ZNF184: variants seen among roughly 807,000 people sequenced by gnomAD.
ZNF184 encodes the protein zinc finger protein 184 (Kruppel-like).
A neutral mutation model predicts 54.4 loss-of-function variants in ZNF184; 16 were observed. The observed-to-expected ratio is 0.29, with a 90% CI of 0.20 to 0.45. The LOEUF is 0.45. ZNF184 is among the 20% of genes least tolerant of loss of function. The pLI, the probability that ZNF184 is intolerant of heterozygous loss-of-function variation, is 1.00. For missense variants in ZNF184, 681 were observed against 888.2 expected (o/e 0.77, Z 2.97); for synonymous variants, 254 against 295.3 (o/e 0.86, Z 1.43).
chr6:27,415,868 A>T, the ZNF184 span, among the ~76,000 whole-genome samples: 1 of 152,244 alleles, frequency 6.6e-6, no homozygotes, highest in East Asian at 1.9e-4. Context: ...TGGGTGGCTT[A>T]AACAACAGAA....
At position 27,452,486 on chromosome 6, in the gene ZNF184, C is replaced by T. The variant is rs753226023; in HGVS notation, c.1073G>A (p.Gly358Glu). ...HFMEHQKIHT[G>E]EKPFKCDECD... The stretch of plus-strand genomic sequence containing the variant: ...TTCATCACATTTAAAAGGTTTTTCT[C>T]CCGTATGAATTTTCTGATGTTCCAT... The change falls in exon 6 of 6, where the codon GGA becomes GAA. Residue 358 changes from glycine to glutamate, a missense_variant. By Grantham distance (98) the Gly-to-Glu change is moderately conservative (BLOSUM62 -2). Coordinates refer to ENST00000683788, the MANE Select transcript of ZNF184 (RefSeq NM_001318891.2). This position sits in a 1 kb window ranked among gnomAD's most constrained non-coding sequence, Gnocchi z 5.5. 1.9e-6 allele frequency: 3 copies of T among 1,614,070 alleles called. No homozygotes were observed. The highest frequency in any genetic ancestry group is 2.5e-6 in the Non-Finnish European group (3 of 1,180,012).
Position 27,455,434 on chromosome 6 carries a change from G to C in ZNF184, c.298+1392C>G, listed in dbSNP as rs528208267. ...ATGTACATTTTAATGGTTTAAAATGGTTTTCTATCTGGTCAAGTAAAATTT... is the reference window on the plus strand; with the variant it reads ...ATGTACATTTTAATGGTTTAAAATGCTTTTCTATCTGGTCAAGTAAAATTT... On this transcript the variant is annotated intron_variant, in intron 5 of 5. Transcript: ENST00000683788. Among the ~76,000 whole-genome samples the C allele has an allele frequency of 2.0e-3, 301 of 152,204 alleles. 1 individual carries two copies. The highest frequency in any genetic ancestry group is 6.9e-3 in the African/African-American group (286 of 41,530).
the ZNF184 span, among the ~76,000 whole-genome samples, chr6:27,443,011 G>A: frequency 1.3e-5 from 2 of 152,238 alleles, no homozygotes; most frequent in African/African-American, 2.4e-5. Context: ...CAGACTCTGT[G>A]CTCACTATTT....
the ZNF184 span, among the ~76,000 whole-genome samples, chr6:27,410,103 C>T: frequency 6.6e-5 from 10 of 152,124 alleles, no homozygotes; most frequent in African/African-American, 2.4e-4. Context: ...GTTGGCTATA[C>T]CATGTAGGTT....
At chr6:27,470,280 A>G (rs539113983) in intron 2 of ZNF184, among the ~76,000 whole-genome samples, 21 of 152,322 alleles carry the variant, frequency 1.4e-4, no homozygotes, top group African/African-American at 4.1e-4. Flanking sequence ...AAGAAAGAAA[A>G]AAAAAAACAA....
chr6:27,452,529 T>C lies in ZNF184; in HGVS notation c.1030A>G (p.Ser344Gly). 1 of 1,614,172 alleles carries C rather than the reference T, an allele frequency of 6.2e-7. No individual in the cohort carries two copies. The highest frequency in any genetic ancestry group is 8.5e-7 in the Non-Finnish European group (1 of 1,180,032). Residue 344 changes from serine (S) to glycine (G), a missense_variant, in exon 6 of 6, where the codon AGC becomes GGC. Physicochemically the swap from Ser to Gly is moderately conservative, Grantham distance 56. Transcript: ENST00000683788. This position sits in a 1 kb window ranked among gnomAD's most constrained non-coding sequence, Gnocchi z 5.5. ...TGTTCCATAAAGTGGCCTCTCTGGCTAAAGGCTTTTCCACACTCATTACAA... is the reference window on the plus strand; with the variant it reads ...TGTTCCATAAAGTGGCCTCTCTGGCCAAAGGCTTTTCCACACTCATTACAA... ...YTCNECGKAF[S>G]QRGHFMEHQK...
At chr6:27,406,554 G>C in the ZNF184 span, 1 of 152,242 alleles carries the variant, frequency 6.6e-6, no homozygotes, top group African/African-American at 2.4e-5. Context: ...AACAGAAAAT[G>C]CTTTATACTT....
downstream of ZNF184, among the ~76,000 whole-genome samples, chr6:27,446,182 G>A (rs1389460245): frequency 6.6e-6 from 1 of 152,192 alleles, no homozygotes; most frequent in East Asian, 1.9e-4. Flanking sequence ...AAGACAATGG[G>A]AGACAGACCA....
In ZNF184 at chr6:27,457,334, C is replaced by T; in HGVS notation, c.151G>A (p.Asp51Asn). 1 of 1,614,072 alleles carries T rather than the reference C, an allele frequency of 6.2e-7. No individual in the cohort carries two copies. Residue 51 changes from aspartate to asparagine, a missense_variant, in exon 4 of 6, where the codon GAT becomes AAT. Physicochemically the swap from Asp to Asn is conservative, Grantham distance 23. Transcript: ENST00000683788. ...TCCAATGTCACATCCCTGAACAAAT[C>T]TCTCTGGCCAGGGTCCAGCTGTTTC... is the stretch of plus-strand genomic sequence containing the variant. ...EWKQLDPGQR[D>N]LFRDVTLENY...
the ZNF184 span, among the ~76,000 whole-genome samples, chr6:27,444,863 C>T: frequency 6.6e-6 from 1 of 152,110 alleles, no homozygotes; most frequent in Non-Finnish European, 1.5e-5. Context: ...TCCTCATACC[C>T]CAGACTTGCA....
At chr6:27,433,920 CTTCT>C in the ZNF184 span, among the ~76,000 whole-genome samples, 68 of 88,496 alleles carry the variant, frequency 7.7e-4, 1 homozygote, top group Admixed American at 6.0e-3. Flanking sequence ...TTCTTTCTTT[CTTCT>C]TTCTTTCTTT....
At position 27,464,301 on chromosome 6, in the gene ZNF184, A is replaced by G. The variant is rs1397376067; in HGVS notation, c.75+3552T>C. On this transcript the variant is annotated intron_variant, in intron 3 of 5. Transcript: ENST00000683788. The stretch of plus-strand genomic sequence containing the variant: ...TTGGCTGCTTAAAGAAAATAACAAC[A>G]AAGTATTATGGGATTTATAACATAT... Among the ~76,000 whole-genome samples the G allele has an allele frequency of 2.0e-5, 3 of 152,252 alleles. No homozygotes were observed. The East Asian group carries it at 5.8e-4, about 29-fold the overall frequency.
At position 27,451,423 on chromosome 6, in the gene ZNF184, A is replaced by G. The variant is rs1386266054; in HGVS notation, c.2136T>C (p.Tyr712=). 2 of 1,614,154 alleles carry G rather than the reference A, an allele frequency of 1.2e-6. No individual in the cohort carries two copies. The highest frequency in any genetic ancestry group is 1.7e-6 in the Non-Finnish European group (2 of 1,179,996). Residue 712 remains tyrosine (Y), a synonymous_variant, in exon 6 of 6, where the codon TAT becomes TAC. Transcript: ENST00000683788. ...ECRKTFSQST[Y]LIQHQRIHSG... is the part of the protein sequence containing the mutation. ...AATGAATTCTCTGGTGCTGAATGAG[A>G]TATGTGCTCTGGCTAAAAGTCTTTC...
chr6:27,417,055 C>A, the ZNF184 span, among the ~76,000 whole-genome samples: 1 of 152,040 alleles, frequency 6.6e-6, no homozygotes, highest in Non-Finnish European at 1.5e-5. Context: ...TGGAACATCC[C>A]CTTGTTAGAA....
the ZNF184 span, among the ~76,000 whole-genome samples, chr6:27,444,419 G>A: frequency 1.3e-5 from 2 of 151,882 alleles, no homozygotes; most frequent in Admixed American, 1.3e-4. Context: ...TGAATTGTCA[G>A]TTTTTTTCTC....
the ZNF184 span, among the ~76,000 whole-genome samples, chr6:27,408,575 C>G: frequency 2.0e-5 from 3 of 152,172 alleles, no homozygotes; most frequent in Non-Finnish European, 4.4e-5. Flanking sequence ...GCCACAGAGT[C>G]TAAGATTCTG....
At chr6:27,424,071 A>G in the ZNF184 span, among the ~76,000 whole-genome samples, 1 of 152,098 alleles carries the variant, frequency 6.6e-6, no homozygotes, top group Non-Finnish European at 1.5e-5. Context: ...GCACGCCTGG[A>G]GTTTGTTCCT....
rs1290090879 is a variant in ZNF184, at chr6:27,453,131, C to T, written c.428G>A (p.Ser143Asn). Reference protein sequence around the residue: ...DDSWSSNLLESWEYEGSLERQ... With the variant: ...DDSWSSNLLENWEYEGSLERQ... ...CTCTAAACTGCCTTCATATTCCCAA[C>T]TTTCTAGCAAGTTGGAACTCCAAGA... The change falls in exon 6 of 6, where the codon AGT becomes AAT. Residue 143 changes from serine to asparagine, a missense_variant. Ser to Asn is a conservative substitution (Grantham distance 46). Transcript: ENST00000683788. This position sits in a 1 kb window ranked among gnomAD's most constrained non-coding sequence, Gnocchi z 4.7. 1.9e-6 allele frequency: 3 copies of T among 1,614,110 alleles called. No individual in the cohort carries two copies. Among genetic ancestry groups the T allele is most frequent in the Non-Finnish European group, 2.5e-6 (3 of 1,179,992 alleles).
chr6:27,452,884 A>C lies in ZNF184; in HGVS notation c.675T>G (p.Asn225Lys). 1 of 1,614,108 alleles carries C rather than the reference A, an allele frequency of 6.2e-7. No individual in the cohort carries two copies. ...PVKKEKSCKC[N>K]ECGKAFSYCS... ...AATAACTAAAGGCTTTCCCACATTC[A>C]TTGCACTTACAAGATTTCTCTTTTT... The change falls in exon 6 of 6, where the codon AAT becomes AAG. Residue 225 changes from asparagine to lysine, a missense_variant. Asn to Lys is a moderately conservative substitution (Grantham distance 94). Coordinates refer to ENST00000683788, the MANE Select transcript of ZNF184 (RefSeq NM_001318891.2). The surrounding 1 kb of genome is among the most constrained non-coding windows in gnomAD (Gnocchi z 5.5).
Sources: allele counts gnomAD v4.1 joint callset (sites outside exome capture counted in the v4.1 genomes callset), GRCh38; gene constraint gnomAD v4.1.1; non-coding constraint Gnocchi (gnomAD v3.1); transcripts MANE v1.5; gene names NCBI Gene and HGNC (gene_info 2026-07-23, HGNC 2026-07-21).